The following AFF4 variants were observed in gnomAD, a reference collection of about 807,000 sequenced individuals.
AFF4 encodes ALF transcription elongation factor 4.
AFF4 carries 13 observed loss-of-function variants against 124.8 expected under a neutral mutation model. The ratio of observed to expected loss-of-function variants is 0.10; its 90% confidence interval spans 0.07 to 0.17. AFF4 has a LOEUF of 0.17. AFF4 is among the 10% of genes least tolerant of loss of function. AFF4 has a pLI of 1.00. For missense variants in AFF4, 1,092 were observed against 1,403.8 expected (o/e 0.78, Z 3.55); for synonymous variants, 477 against 496.1 (o/e 0.96, Z 0.51).
rs146485660 is a variant in AFF4, at chr5:132,956,464, C to T, written c.-5+6795G>A. Among the ~76,000 whole-genome samples the T allele has an allele frequency of 6.6e-5, 10 of 151,964 alleles. No homozygotes were observed. In the East Asian group the frequency reaches 1.7e-3, roughly 26 times the overall value. On this transcript the variant is annotated intron_variant, in intron 1 of 20. Coordinates refer to ENST00000265343, the MANE Select transcript of AFF4 (RefSeq NM_014423.4). ...TGGCCAACCTGGCAAAACCCCATCT[C>T]TACTAAAACTACAAAAATTAGCTAG...
Position 132,880,188 on chromosome 5 carries a change from T to C in AFF4, c.*871A>G, listed in dbSNP as rs1480745079. 5.0e-6 allele frequency: 2 copies of C among 398,814 alleles called. No individual in the cohort carries two copies. Among genetic ancestry groups the C allele is most frequent in the Non-Finnish European group, 8.8e-6 (2 of 226,000 alleles). The allele number at this position is 398,814 out of a possible 1,614,324, so 24.7% of individuals were successfully genotyped here. A position where few individuals can be genotyped will look rare whatever the true frequency, so the allele number is the denominator to read the frequency against. On this transcript the variant is annotated 3_prime_UTR_variant, in exon 21 of 21. Transcript: ENST00000265343. ...CTGTTTCGATTAAGTGTCAAATGAT[T>C]AGCAACAAAAAATAACATATGGTTT...
chr5:132,891,372 A>T (rs1049685685), intron 13 of AFF4, among the ~76,000 whole-genome samples: 7 of 152,358 alleles, frequency 4.6e-5, no homozygotes, highest in African/African-American at 9.6e-5. Flanking sequence ...ACCTTTGCTT[A>T]CTAAATAATA....
chr5:132,891,013 T>C (rs1253013746), intron 13 of AFF4, among the ~76,000 whole-genome samples: 1 of 151,216 alleles, frequency 6.6e-6, no homozygotes, highest in Non-Finnish European at 1.5e-5. Context: ...AATTAATTAA[T>C]AAATTAATTA....
chr5:132,899,386 T>A lies in AFF4; in HGVS notation c.1188+201A>T, dbSNP rs2301804. 5.1e-3 allele frequency among the ~76,000 whole-genome samples: 778 copies of A among 152,226 alleles called. 39 individuals are homozygous for A. In the East Asian group the frequency reaches 0.13, roughly 25 times the overall value. On this transcript the variant is annotated intron_variant, in intron 8 of 20. Transcript: ENST00000265343. ...TGAGTATGTTTTGATCCATAATAAA[T>A]GTTGAGGAAAACCCAATTTTTTAAA... is the stretch of plus-strand genomic sequence containing the variant.
chr5:132,931,771 C>T (rs990256620), intron 4 of AFF4, among the ~76,000 whole-genome samples: 1 of 152,150 alleles, frequency 6.6e-6, no homozygotes, highest in Non-Finnish European at 1.5e-5. Flanking sequence ...GCCTGGCCAC[C>T]CCAACTCCGC....
At chr5:132,927,786 T>C (rs1040353179) in intron 4 of AFF4, among the ~76,000 whole-genome samples, 1 of 152,164 alleles carries the variant, frequency 6.6e-6, no homozygotes, top group Middle Eastern at 3.2e-3. Context: ...TATATACTCG[T>C]AGAAAAATTT....
Position 132,927,136 on chromosome 5 carries a change from A to G in AFF4, c.1035T>C (p.Phe345=). Residue 345 remains phenylalanine (F), a synonymous_variant, in exon 5 of 21, where the codon TTT becomes TTC. Coordinates refer to ENST00000265343, the MANE Select transcript of AFF4 (RefSeq NM_014423.4). Reference sequence around the variant, plus strand: ...ATTTACTTACCTTAGTTGGAAAAGGAAATTTGGAAGGTTCTGTTTTGCATG... The same window carrying G: ...ATTTACTTACCTTAGTTGGAAAAGGGAATTTGGAAGGTTCTGTTTTGCATG... ...HTPCKTEPSK[F]PFPTKESQQS... is the part of the protein sequence containing the mutation. 1 of 1,612,572 alleles carries G rather than the reference A, an allele frequency of 6.2e-7. No individual in the cohort carries two copies. The highest frequency in any genetic ancestry group is 2.2e-5 in the East Asian group (1 of 44,768).
intron 1 of AFF4, among the ~76,000 whole-genome samples, chr5:132,946,041 C>A (rs57703377): frequency 0.02 from 3,071 of 152,216 alleles, 82 homozygotes; most frequent in African/African-American, 0.055. Flanking sequence ...GCCTGGGCAA[C>A]AAGAGCAAAA....
chr5:132,933,337 C>T (rs1349269056), intron 3 of AFF4, among the ~76,000 whole-genome samples: 15 of 150,538 alleles, frequency 1.0e-4, no homozygotes, highest in African/African-American at 3.7e-4. Flanking sequence ...GTAGAGGTTG[C>T]AGTGAGCCGA....
intron 20 of AFF4, among the ~76,000 whole-genome samples, chr5:132,882,803 G>A (rs1287797228): frequency 2.8e-5 from 4 of 145,184 alleles, no homozygotes; most frequent in African/African-American, 1.0e-4. Flanking sequence ...GCAGTGAGTC[G>A]AGATCGTGCC....
At chr5:132,902,732 A>G (rs576251220) in intron 6 of AFF4, among the ~76,000 whole-genome samples, 6 of 152,316 alleles carry the variant, frequency 3.9e-5, no homozygotes, top group African/African-American at 1.2e-4. Context: ...ATCTGGTAAT[A>G]CCTTCTCAGT....
Position 132,934,887 on chromosome 5 carries a change from C to T in AFF4, c.178G>A (p.Asp60Asn), listed in dbSNP as rs2150099058. 2 of 1,613,716 alleles carry T rather than the reference C, an allele frequency of 1.2e-6. No individual in the cohort carries two copies. Among genetic ancestry groups the T allele is most frequent in the Non-Finnish European group, 1.7e-6 (2 of 1,179,850 alleles). The change falls in exon 3 of 21, where the codon GAT (aspartate) becomes AAT (asparagine). Residue 60 changes from aspartate to asparagine, a missense_variant. This residue lies in a region of AFF4 where 35 missense variants were observed against 70.9 expected (regional missense o/e 0.49). Coordinates refer to ENST00000265343, the MANE Select transcript of AFF4 (RefSeq NM_014423.4). Reference protein sequence around the residue: ...SRIQSMLGNYDEMKDFIGDRS... With the variant: ...SRIQSMLGNYNEMKDFIGDRS... ...TCTCCTATGAAATCCTTCATTTCAT[C>T]GTAGTTTCCAAGCATACTCTGAATA...
chr5:132,887,708 T>C (rs1376968994), intron 16 of AFF4, 116 bp from the exon 17 acceptor site: 11 of 1,489,446 alleles, frequency 7.4e-6, no homozygotes, highest in Admixed American at 5.3e-5. Context: ...AAAATACTCA[T>C]TGAAGTATCT....
intron 1 of AFF4, chr5:132,943,464 CCTA>C (rs1761621592): frequency 1.7e-5 from 3 of 180,102 alleles, no homozygotes; most frequent in Middle Eastern, 2.9e-3. Flanking sequence ...TGGATTGCAT[CCTA>C]CTACCAATTT....
chr5:132,900,556 T>C (rs1304298755), intron 7 of AFF4, among the ~76,000 whole-genome samples: 3 of 151,954 alleles, frequency 2.0e-5, no homozygotes, highest in African/African-American at 7.3e-5. Context: ...CGAGACTCTG[T>C]CTCAAAAAAA....
chr5:132,931,770 C>T (rs1561500753), intron 4 of AFF4, among the ~76,000 whole-genome samples: 1 of 152,204 alleles, frequency 6.6e-6, no homozygotes, highest in Non-Finnish European at 1.5e-5. Flanking sequence ...AGCCTGGCCA[C>T]CCCAACTCCG....
Position 132,876,564 on chromosome 5 carries a change from A to G in AFF4, c.*4495T>C, listed in dbSNP as rs1581261289. The G allele has an allele frequency of 9.5e-6, 2 of 210,382 alleles. No individual in the cohort carries two copies. The highest frequency in any genetic ancestry group is 7.1e-5 in the East Asian group (1 of 14,038). The allele number at this position is 210,382 out of a possible 1,614,324, so 13.0% of individuals were successfully genotyped here. A position where few individuals can be genotyped will look rare whatever the true frequency, so the allele number is the denominator to read the frequency against. Reference sequence around the variant, plus strand: ...TCAATGCTGACATTCCTGAAAGTCAACTTCTTTACATGATGACTACTTAGG... The same window carrying G: ...TCAATGCTGACATTCCTGAAAGTCAGCTTCTTTACATGATGACTACTTAGG... On this transcript the variant is annotated 3_prime_UTR_variant, in exon 21 of 21. Coordinates refer to ENST00000265343, the MANE Select transcript of AFF4 (RefSeq NM_014423.4).
intron 12 of AFF4, 55 bp downstream of exon 12, chr5:132,892,975 C>A (rs1398007073): frequency 6.5e-7 from 1 of 1,528,430 alleles, no homozygotes; most frequent in Non-Finnish European, 9.1e-7. Context: ...TACCCACTAT[C>A]AAATGATATA....
At chr5:132,924,085 C>A (rs975699284) in intron 5 of AFF4, among the ~76,000 whole-genome samples, 2 of 151,832 alleles carry the variant, frequency 1.3e-5, no homozygotes, top group African/African-American at 4.8e-5. Flanking sequence ...GAAACCCCGT[C>A]TCTACTAAAA....
Sources: gnomAD v4.1 joint callset for allele counts (sites outside exome capture counted in the v4.1 genomes callset) on GRCh38, gnomAD v4.1.1 for gene constraint, gnomAD v4.1.1 regional missense constraint, MANE v1.5 for transcripts, NCBI Gene and HGNC (gene_info 2026-07-23, HGNC 2026-07-21) for gene names.